The following FMN1 variants were observed in gnomAD, a reference collection of about 807,000 sequenced individuals.
FMN1 encodes formin 1.
In FMN1, 110 loss-of-function variants were observed where a neutral mutation model predicts 132.4. The ratio of observed to expected loss-of-function variants is 0.83; its 90% CI spans 0.71 to 0.97. The LOEUF (loss-of-function observed/expected upper bound fraction) is 0.97. Ranked by LOEUF, FMN1 falls within the 50% of genes least tolerant of loss-of-function variation. The pLI is 0.00. For synonymous variants in FMN1, 722 were observed against 651.7 expected, an observed-to-expected ratio of 1.11 and a Z score of -1.64; for missense variants, 1,792 against 1,705.3, an observed-to-expected ratio of 1.05 and a Z score of -0.90.
chr15:32,887,243 T>G (rs374055589), intron 16 of FMN1, among the ~76,000 whole-genome samples: 13 of 152,196 alleles, frequency 8.5e-5, no homozygotes, highest in Admixed American at 2.0e-4. Context: ...TCTTAAAATA[T>G]TCCTGGTTGA....
chr15:32,822,531 T>A (rs2058246609), intron 17 of FMN1, among the ~76,000 whole-genome samples: 1 of 152,144 alleles, frequency 6.6e-6, no homozygotes. Context: ...TTTTCCTGCA[T>A]CCAGTGTTGC....
intron 4 of FMN1, among the ~76,000 whole-genome samples, chr15:33,114,398 G>A (rs1018474684): frequency 1.2e-4 from 18 of 152,206 alleles, no homozygotes; most frequent in African/African-American, 3.9e-4. Context: ...AATATATGCA[G>A]AAATGATAAA....
At position 33,004,442 on chromosome 15, in the gene FMN1, C is replaced by T. The variant is rs1345259320; in HGVS notation, c.2223+3572G>A. On this transcript the variant is annotated intron_variant, in intron 7 of 20. Transcript: ENST00000616417. Reference sequence around the variant, plus strand: ...CAGCCAACAGACACATGAAAAAATGCTCACCATCACTGGCCATCAGAGAAA... The same window carrying T: ...CAGCCAACAGACACATGAAAAAATGTTCACCATCACTGGCCATCAGAGAAA... Among the ~76,000 whole-genome samples the T allele has an allele frequency of 3.3e-5, 5 of 152,182 alleles. 1 individual carries two copies. Among genetic ancestry groups the T allele is most frequent in the Non-Finnish European group, 7.4e-5 (5 of 68,026 alleles).
chr15:32,808,991 G>A (rs1007779186), intron 17 of FMN1, among the ~76,000 whole-genome samples: 1 of 150,788 alleles, frequency 6.6e-6, no homozygotes, highest in Non-Finnish European at 1.5e-5. Flanking sequence ...CCCTATGTCT[G>A]ACCTAAAGTC....
intron 4 of FMN1, among the ~76,000 whole-genome samples, chr15:33,099,811 T>C (rs1041600366): frequency 6.6e-6 from 1 of 152,220 alleles, no homozygotes; most frequent in East Asian, 1.9e-4. Flanking sequence ...TAAGTGGGAA[T>C]ATGGTATGAG....
At chr15:32,985,505 C>G (rs560107689) in intron 7 of FMN1, among the ~76,000 whole-genome samples, 2 of 152,076 alleles carry the variant, frequency 1.3e-5, no homozygotes, top group South Asian at 4.1e-4. Flanking sequence ...AGCTATAGTG[C>G]CCACGACTAC....
intron 4 of FMN1, among the ~76,000 whole-genome samples, chr15:33,111,579 GT>G (rs1252099525): frequency 6.6e-6 from 1 of 152,084 alleles, no homozygotes; most frequent in East Asian, 1.9e-4. Context: ...TAACTCAAAT[GT>G]TTGTCTACTT....
At chr15:32,977,987 G>A (rs2032349695) in intron 7 of FMN1, among the ~76,000 whole-genome samples, 1 of 151,708 alleles carries the variant, frequency 6.6e-6, no homozygotes, top group African/African-American at 2.4e-5. Context: ...CTCCCAAGAA[G>A]CTGGGACTAC....
chr15:32,991,771 C>T (rs1294644682), intron 7 of FMN1, among the ~76,000 whole-genome samples: 3 of 152,096 alleles, frequency 2.0e-5, no homozygotes, highest in Non-Finnish European at 2.9e-5. Flanking sequence ...AGAAACCATC[C>T]CACAAGGGCA....
intron 4 of FMN1, among the ~76,000 whole-genome samples, chr15:33,089,882 A>G (rs1020367751): frequency 1.3e-5 from 2 of 152,220 alleles, no homozygotes; most frequent in African/African-American, 4.8e-5. Context: ...GAGAAAAGCT[A>G]CATACTGTAT....
chr15:32,998,868 T>C lies in FMN1; in HGVS notation c.2223+9146A>G, dbSNP rs570714863. 1.0e-3 allele frequency among the ~76,000 whole-genome samples: 153 copies of C among 152,270 alleles called. 1 individual carries two copies. Among genetic ancestry groups the C allele is most frequent in the African/African-American group, 3.5e-3 (147 of 41,534 alleles). Reference sequence around the variant, plus strand: ...AATCAACATTCTACAACAGCCTCCTTCTATATCTGAATTGTCTGAAGGCAA... The same window carrying C: ...AATCAACATTCTACAACAGCCTCCTCCTATATCTGAATTGTCTGAAGGCAA... On this transcript the variant is annotated intron_variant, in intron 7 of 20. Transcript: ENST00000616417.
intron 6 of FMN1, among the ~76,000 whole-genome samples, chr15:33,022,874 T>G (rs1307346692): frequency 6.6e-6 from 1 of 151,928 alleles, no homozygotes; most frequent in African/African-American, 2.4e-5. Context: ...TGGAAGAGGT[T>G]GTCAACTGCT....
intron 20 of FMN1, 38 bp from the exon 21 acceptor site, chr15:32,774,392 C>G: frequency 1.3e-6 from 2 of 1,516,796 alleles, no homozygotes; most frequent in South Asian, 2.5e-5. Flanking sequence ...CATTTTCTTT[C>G]ATCTTTCTCA....
chr15:33,188,318 C>T (rs1016797648), intron 2 of FMN1, among the ~76,000 whole-genome samples: 6 of 152,060 alleles, frequency 3.9e-5, no homozygotes, highest in African/African-American at 9.7e-5. Flanking sequence ...CCAGCCTGGG[C>T]GACAGAGGGA....
chr15:33,038,632 G>C (rs940819548), intron 6 of FMN1, among the ~76,000 whole-genome samples: 8 of 152,302 alleles, frequency 5.3e-5, no homozygotes, highest in Admixed American at 2.0e-4. Context: ...TTAATAATTA[G>C]TCAACATAAA....
At chr15:32,782,565 G>T (rs147419943) in intron 19 of FMN1, among the ~76,000 whole-genome samples, 14 of 152,330 alleles carry the variant, frequency 9.2e-5, no homozygotes, top group African/African-American at 3.4e-4. Context: ...CCCACAAGGA[G>T]ACTAAGACTC....
At chr15:32,893,749 C>G (rs997040251) in intron 15 of FMN1, among the ~76,000 whole-genome samples, 87 of 152,358 alleles carry the variant, frequency 5.7e-4, no homozygotes, top group African/African-American at 1.9e-3. Context: ...TAGACTGGGC[C>G]ATCCCATGTT....
At chr15:32,820,665 G>A (rs2058186609) in intron 17 of FMN1, among the ~76,000 whole-genome samples, 1 of 152,154 alleles carries the variant, frequency 6.6e-6, no homozygotes, top group African/African-American at 2.4e-5. Context: ...TTATCAGGTA[G>A]ACATAGTTTT....
chr15:32,926,160 T>G lies in FMN1; in HGVS notation c.3226+14A>C, dbSNP rs1308867324. 1 of 1,334,458 alleles carries G rather than the reference T, an allele frequency of 7.5e-7. No homozygotes were observed. Among genetic ancestry groups the G allele is most frequent in the Non-Finnish European group, 1.0e-6 (1 of 956,496 alleles). 82.7% of individuals were successfully genotyped at this position (1,334,458 alleles called of 1,614,324 possible). A position where few individuals can be genotyped will look rare whatever the true frequency, so the allele number is the denominator to read the frequency against. On this transcript the variant is annotated intron_variant, in intron 10 of 20. Coordinates refer to ENST00000616417, the MANE Select transcript of FMN1 (RefSeq NM_001277313.2). The stretch of plus-strand genomic sequence containing the variant: ...AATGGAAAAAGTAAAACAAAAGTGA[T>G]AGAAAAGACTTACCCTGTTGGATAT...
Sources: allele counts gnomAD v4.1 joint callset (sites outside exome capture counted in the v4.1 genomes callset), GRCh38; gene constraint gnomAD v4.1.1; transcripts MANE v1.5; gene names NCBI Gene and HGNC (gene_info 2026-07-23, HGNC 2026-07-21).